DIAPH3: variants seen among roughly 807,000 people sequenced by gnomAD.
DIAPH3 encodes diaphanous related formin 3.
Under a neutral mutation model 144.3 loss-of-function variants are expected in DIAPH3, and 117 were observed. The observed-to-expected ratio is 0.81, with a 90% confidence interval of 0.70 to 0.95. DIAPH3 has a LOEUF of 0.95. Among genes scored for constraint, DIAPH3 ranks in the 40% least tolerant of loss-of-function variants. The pLI, the probability that DIAPH3 is intolerant of heterozygous loss-of-function variation, is 0.00. For synonymous variants in DIAPH3, 519 were observed against 488.9 expected, an observed-to-expected ratio of 1.06 and a Z score of -0.81; for missense variants, 1,421 against 1,412.7, an observed-to-expected ratio of 1.01 and a Z score of -0.09.
rs186451868 is a variant in DIAPH3 at position 59,954,498 on chromosome 13, C to G, written c.2074+15446G>C. 1.6e-4 allele frequency among the ~76,000 whole-genome samples: 24 copies of G among 152,230 alleles called. 1 individual carries two copies. Among genetic ancestry groups the G allele is most frequent in the Admixed American group, 1.5e-3 (23 of 15,290 alleles). ...ATTCACAAAACAACCGTCTTAATAA[C>G]GGATACCTCAGAGATACAAAAGTGG... On this transcript the variant is annotated intron_variant, in intron 17 of 27. Coordinates refer to ENST00000400324, the MANE Select transcript of DIAPH3 (RefSeq NM_001042517.2).
chr13:59,892,826 T>C (rs2045889260), intron 20 of DIAPH3, among the ~76,000 whole-genome samples: 1 of 152,040 alleles, frequency 6.6e-6, no homozygotes, highest in South Asian at 2.1e-4. Flanking sequence ...AACACTTCAA[T>C]TAAAAGGCAG....
intron 25 of DIAPH3, among the ~76,000 whole-genome samples, chr13:59,808,251 A>G (rs2040293723): frequency 2.6e-5 from 4 of 152,056 alleles, no homozygotes; most frequent in Admixed American, 2.6e-4. Flanking sequence ...AAATGTAAAT[A>G]TGAATACATA....
At chr13:60,110,752 T>C (rs1182282600) in intron 3 of DIAPH3, among the ~76,000 whole-genome samples, 3 of 152,234 alleles carry the variant, frequency 2.0e-5, no homozygotes, top group African/African-American at 4.8e-5. Context: ...CTAATGCCAA[T>C]AGGTAGACCT....
At chr13:59,991,125 G>C in intron 12 of DIAPH3, 33 bp downstream of exon 12, 1 of 1,365,644 alleles carries the variant, frequency 7.3e-7, no homozygotes, top group South Asian at 1.2e-5. Context: ...TTTTATTAGT[G>C]AAAGAAAACA....
intron 22 of DIAPH3, chr13:59,861,131 C>T: frequency 9.9e-7 from 1 of 1,011,202 alleles, no homozygotes; most frequent in East Asian, 2.7e-5. Flanking sequence ...GGAGATTTAG[C>T]AGTAGAAGGT....
In DIAPH3 at chr13:59,983,752, A is replaced by G; in HGVS notation, c.1480+17T>C. 1.4e-6 allele frequency: 2 copies of G among 1,476,056 alleles called. No homozygotes were observed. Among genetic ancestry groups the G allele is most frequent in the Non-Finnish European group, 1.9e-6 (2 of 1,057,170 alleles). The allele number at this position is 1,476,056 out of a possible 1,614,324, so 91.4% of individuals were successfully genotyped here. A position where few individuals can be genotyped will look rare whatever the true frequency, so the allele number is the denominator to read the frequency against. On this transcript the variant is annotated intron_variant, in intron 13 of 27. Coordinates refer to ENST00000400324, the MANE Select transcript of DIAPH3 (RefSeq NM_001042517.2). ...AAGAGACAATAAGATATTTCTATTT[A>G]AATAATAAATACTCACCTACAAACT...
At chr13:60,089,588 T>C (rs1455386884) in intron 4 of DIAPH3, among the ~76,000 whole-genome samples, 2 of 152,194 alleles carry the variant, frequency 1.3e-5, no homozygotes, top group Non-Finnish European at 2.9e-5. Flanking sequence ...TGGATCCTCT[T>C]CCATTTGGCC....
At chr13:60,113,596 C>T (rs2058627893) in intron 2 of DIAPH3, among the ~76,000 whole-genome samples, 1 of 152,122 alleles carries the variant, frequency 6.6e-6, no homozygotes, top group South Asian at 2.1e-4. Flanking sequence ...AACACCACTG[C>T]TCTCATTCTA....
At chr13:59,754,755 C>T (rs1297011559) in intron 27 of DIAPH3, among the ~76,000 whole-genome samples, 1 of 152,178 alleles carries the variant, frequency 6.6e-6, no homozygotes, top group Non-Finnish European at 1.5e-5. Flanking sequence ...TCAGTCTTGT[C>T]AAACCAAACC....
At chr13:59,781,723 G>T (rs1327397307) in intron 25 of DIAPH3, among the ~76,000 whole-genome samples, 1 of 152,186 alleles carries the variant, frequency 6.6e-6, no homozygotes, top group Non-Finnish European at 1.5e-5. Flanking sequence ...AACTTTTTGA[G>T]AAGTCTCTAT....
intron 4 of DIAPH3, among the ~76,000 whole-genome samples, chr13:60,081,965 A>G (rs911126621): frequency 2.6e-5 from 4 of 152,028 alleles, no homozygotes; most frequent in Non-Finnish European, 5.9e-5. Context: ...CTGAAAGTGA[A>G]ATCAAAATTG....
chr13:59,800,939 G>C (rs770728769), intron 25 of DIAPH3, among the ~76,000 whole-genome samples: 1 of 152,154 alleles, frequency 6.6e-6, no homozygotes, highest in Non-Finnish European at 1.5e-5. Context: ...GAAATAATGA[G>C]TGACTACTAT....
chr13:59,827,700 AG>A (rs2041524786), intron 24 of DIAPH3, among the ~76,000 whole-genome samples: 1 of 152,056 alleles, frequency 6.6e-6, no homozygotes, highest in East Asian at 1.9e-4. Context: ...AGAGCATTAA[AG>A]AAGAGACCAT....
intron 9 of DIAPH3, among the ~76,000 whole-genome samples, chr13:60,001,218 T>C (rs1329676466): frequency 2.0e-5 from 3 of 152,206 alleles, no homozygotes; most frequent in Non-Finnish European, 4.4e-5. Flanking sequence ...GTTCCTCTCC[T>C]ACAGCACATC....
In DIAPH3 at chr13:60,139,088, A is replaced by G. The variant is rs575304453; in HGVS notation, c.181-6099T>C. On this transcript the variant is annotated intron_variant, in intron 1 of 27. Transcript: ENST00000400324. The stretch of plus-strand genomic sequence containing the variant: ...ATTTAAAGTAATATTCCTACCAGCC[A>G]TGACTCTCGACACACCTACAGAGTC... Among the ~76,000 whole-genome samples, 17 of 152,330 alleles carry G rather than the reference A, an allele frequency of 1.1e-4. No individual in the cohort carries two copies. In the South Asian group the frequency reaches 3.5e-3, roughly 32 times the overall value.
intron 17 of DIAPH3, among the ~76,000 whole-genome samples, chr13:59,964,692 A>G (rs551037428): frequency 1.3e-5 from 2 of 152,274 alleles, no homozygotes; most frequent in South Asian, 4.1e-4. Flanking sequence ...AACAGAGAAT[A>G]TACTATAACT....
At chr13:59,975,848 A>T (rs2050648293) in intron 14 of DIAPH3, among the ~76,000 whole-genome samples, 1 of 152,002 alleles carries the variant, frequency 6.6e-6, no homozygotes, top group African/African-American at 2.4e-5. Flanking sequence ...CCACAGCAAC[A>T]CTACCATTCC....
intron 27 of DIAPH3, among the ~76,000 whole-genome samples, chr13:59,686,420 G>T (rs1249363792): frequency 6.6e-6 from 1 of 151,060 alleles, no homozygotes; most frequent in African/African-American, 2.4e-5. Flanking sequence ...CTACTCAAAA[G>T]AGGAAAAAAA....
chr13:60,010,690 GA>G, intron 7 of DIAPH3, 21 bp from the exon 8 acceptor site: 2 of 1,608,980 alleles, frequency 1.2e-6, no homozygotes, highest in Non-Finnish European at 1.7e-6. Context: ...TTGAAAATAA[GA>G]GGTCAAATGT....
Sources: gnomAD v4.1 joint callset for allele counts (sites outside exome capture counted in the v4.1 genomes callset) on GRCh38, gnomAD v4.1.1 for gene constraint, MANE v1.5 for transcripts, NCBI Gene and HGNC (gene_info 2026-07-23, HGNC 2026-07-21) for gene names.